NOL10: variants seen among roughly 807,000 people sequenced by gnomAD.
The protein encoded by NOL10 is H_NH0074G24.1.
NOL10 carries 58 observed loss-of-function variants against 103.5 expected under a neutral mutation model. The ratio of observed to expected loss-of-function variants is 0.56; its 90% confidence interval spans 0.45 to 0.70. The LOEUF (loss-of-function observed/expected upper bound fraction) is 0.70, where lower values mean the gene tolerates loss of function less well. NOL10 is among the 30% of genes least tolerant of loss of function. NOL10 has a pLI of 0.00. For synonymous variants in NOL10, 287 were observed against 282.5 expected, an observed-to-expected ratio of 1.02 and a Z score of -0.16; for missense variants, 763 against 807.3, an observed-to-expected ratio of 0.95 and a Z score of 0.67.
intron 20 of NOL10, among the ~76,000 whole-genome samples, chr2:10,577,243 G>A (rs890724625): frequency 6.6e-6 from 1 of 152,112 alleles, no homozygotes; most frequent in Admixed American, 6.5e-5. Flanking sequence ...ATATACATGC[G>A]AGGTAGCCCT....
intron 11 of NOL10, 133 bp downstream of exon 11, chr2:10,657,609 T>C (rs892513180): frequency 7.8e-5 from 51 of 653,846 alleles, no homozygotes; most frequent in Non-Finnish European, 1.1e-4. Context: ...GTAACTGACC[T>C]CCCGCTAAGT....
At chr2:10,580,963 A>G (rs1674718420) in intron 19 of NOL10, among the ~76,000 whole-genome samples, 1 of 152,218 alleles carries the variant, frequency 6.6e-6, no homozygotes, top group East Asian at 1.9e-4. Flanking sequence ...TCCACAGATA[A>G]AGGATTAAGT....
chr2:10,576,594 G>C (rs1248727383), intron 20 of NOL10, among the ~76,000 whole-genome samples: 1 of 152,242 alleles, frequency 6.6e-6, no homozygotes, highest in Non-Finnish European at 1.5e-5. Flanking sequence ...ATTATGCTCA[G>C]TGAAAGAAGC....
rs1398171332 is a variant in NOL10 at position 10,587,090 on chromosome 2, T to TATATAA, written c.1844+1952_1844+1953insTTATAT. ...ATACATATATATACATATATATACA[T>TATATAA]ATATATACACATATATATACATATA... is the stretch of plus-strand genomic sequence containing the variant. On this transcript the variant is annotated intron_variant, in intron 19 of 20. Transcript: ENST00000381685. Among the ~76,000 whole-genome samples the TATATAA allele has an allele frequency of 3.9e-4, 25 of 64,886 alleles. 8 individuals are homozygous for TATATAA. The highest frequency in any genetic ancestry group is 4.5e-4 in the Non-Finnish European group (16 of 35,626). The allele number at this position is 64,886 out of a possible 152,430, so 42.6% of individuals were successfully genotyped here.
At chr2:10,639,829 TGA>T (rs1330836352) in intron 13 of NOL10, among the ~76,000 whole-genome samples, 2 of 152,084 alleles carry the variant, frequency 1.3e-5, no homozygotes, top group South Asian at 2.1e-4. Flanking sequence ...ACCTGGTCTC[TGA>T]GAGAATTAAA....
At chr2:10,592,202 T>C (rs180990750) in intron 17 of NOL10, among the ~76,000 whole-genome samples, 128 of 152,234 alleles carry the variant, frequency 8.4e-4, no homozygotes, top group African/African-American at 3.0e-3. Context: ...AATTACGAGA[T>C]ACAGTTCTAA....
chr2:10,663,078 T>C, intron 8 of NOL10, 34 bp from the exon 9 acceptor site: 3 of 1,579,620 alleles, frequency 1.9e-6, no homozygotes, highest in Non-Finnish European at 2.6e-6. Flanking sequence ...AAATAAAAGC[T>C]GTAGAAGGCG....
intron 13 of NOL10, among the ~76,000 whole-genome samples, chr2:10,632,915 G>A (rs1041420163): frequency 2.6e-5 from 4 of 151,720 alleles, no homozygotes; most frequent in African/African-American, 4.8e-5. Flanking sequence ...GTGATCCTTC[G>A]GCCTTAGCCT....
intron 9 of NOL10, among the ~76,000 whole-genome samples, chr2:10,659,787 A>C (rs1680075688): frequency 6.6e-6 from 1 of 152,206 alleles, no homozygotes; most frequent in Non-Finnish European, 1.5e-5. Context: ...CATTTTAATT[A>C]AGCCAGAATA....
At chr2:10,640,495 C>A (rs921530620) in intron 13 of NOL10, among the ~76,000 whole-genome samples, 1 of 152,170 alleles carries the variant, frequency 6.6e-6, no homozygotes, top group African/African-American at 2.4e-5. Context: ...TAGGAGAGGG[C>A]TCTCTGGATG....
At chr2:10,593,417 G>A (rs10183880) in intron 17 of NOL10, among the ~76,000 whole-genome samples, 46,007 of 151,760 alleles carry the variant, frequency 0.3, 7,639 homozygotes, top group Non-Finnish European at 0.38. Context: ...GATTACAGGC[G>A]TGAGCCACTG....
chr2:10,581,800 G>C (rs540456369), intron 19 of NOL10, among the ~76,000 whole-genome samples: 334 of 151,944 alleles, frequency 2.2e-3, no homozygotes, highest in African/African-American at 7.7e-3. Context: ...CAGCCTGGGC[G>C]ACAGTGTGAG....
chr2:10,604,548 A>G (rs1676145970), intron 14 of NOL10: 1 of 152,210 alleles, frequency 6.6e-6, no homozygotes, highest in Admixed American at 6.5e-5. Flanking sequence ...CTGAGCCTTA[A>G]TGAAACGTGA....
At chr2:10,606,607 CAAAAA>C (rs35623656) in intron 14 of NOL10, among the ~76,000 whole-genome samples, 4 of 111,800 alleles carry the variant, frequency 3.6e-5, no homozygotes, top group African/African-American at 3.3e-5. Context: ...GACTCTGTCT[CAAAAA>C]AAAAAAAAAA....
Position 10,607,243 on chromosome 2 carries a change from T to G in NOL10, c.1095A>C (p.Pro365=), listed in dbSNP as rs766934153. The G allele has an allele frequency of 1.9e-6, 3 of 1,609,576 alleles. No homozygotes were observed. Among genetic ancestry groups the G allele is most frequent in the African/African-American group, 2.7e-5 (2 of 74,852 alleles). ...TATAATCATCATAGACTGTGCTTTC[T>G]GGATTCTCTTCTAATTCTTCGGTCA... ...DNLTEELEEN[P]ESTVYDDYKF... The change falls in exon 14 of 21, where the codon CCA becomes CCC. Residue 365 remains proline (P), a synonymous_variant. Transcript: ENST00000381685.
chr2:10,631,120 G>A (rs1677813376), intron 13 of NOL10, among the ~76,000 whole-genome samples: 1 of 152,094 alleles, frequency 6.6e-6, no homozygotes, highest in African/African-American at 2.4e-5. Flanking sequence ...GATTCTACAC[G>A]GACACTAACA....
intron 19 of NOL10, among the ~76,000 whole-genome samples, chr2:10,584,850 ATTC>A (rs1674940683): frequency 6.6e-6 from 1 of 152,224 alleles, no homozygotes; most frequent in African/African-American, 2.4e-5. Flanking sequence ...ACTGCAGTTT[ATTC>A]ACCTCGCTAT....
In NOL10 at chr2:10,647,784, G is replaced by A. The variant is rs1009496941; in HGVS notation, c.974-3412C>T. On this transcript the variant is annotated intron_variant, in intron 12 of 20. Transcript: ENST00000381685. ...CTAACAGTTTTCCATGTATTTAGAA[G>A]GCACTGACGGAATAAAAGGCTATTT... Among the ~76,000 whole-genome samples, 115 of 152,184 alleles carry A rather than the reference G, an allele frequency of 7.6e-4. 1 individual carries two copies. Among genetic ancestry groups the A allele is most frequent in the African/African-American group, 2.7e-3 (113 of 41,434 alleles).
At chr2:10,579,783 T>C (rs1187993471) in intron 19 of NOL10, among the ~76,000 whole-genome samples, 3 of 147,964 alleles carry the variant, frequency 2.0e-5, no homozygotes, top group Non-Finnish European at 4.5e-5. Flanking sequence ...TGCTTTCACT[T>C]AAAAAAAAAA....
Sources: allele counts gnomAD v4.1 joint callset (sites outside exome capture counted in the v4.1 genomes callset), GRCh38; gene constraint gnomAD v4.1.1; transcripts MANE v1.5; gene names NCBI Gene and HGNC (gene_info 2026-07-23, HGNC 2026-07-21).